ATG10: variants seen among roughly 807,000 people sequenced by gnomAD.
ATG10 encodes autophagy related 10, also known as ubiquitin-like-conjugating enzyme ATG10.
In ATG10, 30 loss-of-function variants were observed where a neutral mutation model predicts 32.1. The observed-to-expected ratio is 0.94, with a 90% CI of 0.70 to 1.27. The LOEUF is 1.27. Ranked by LOEUF, ATG10 falls within the 50% of genes most tolerant of loss-of-function variation. The pLI is 0.00. For missense variants in ATG10, 233 were observed against 262.3 expected (o/e 0.89, Z 0.77); for synonymous variants, 87 against 91.5 (o/e 0.95, Z 0.28).
intron 3 of ATG10, among the ~76,000 whole-genome samples, chr5:82,146,820 T>C (rs1767377752): frequency 6.6e-6 from 1 of 152,162 alleles, no homozygotes; most frequent in Non-Finnish European, 1.5e-5. Context: ...TCAATATGAA[T>C]ATATTTTTTC....
chr5:82,250,514 G>A (rs1027232194), intron 5 of ATG10, among the ~76,000 whole-genome samples: 2 of 152,080 alleles, frequency 1.3e-5, no homozygotes, highest in African/African-American at 4.8e-5. Flanking sequence ...GGAAAAGAGT[G>A]AGAGTTACAC....
chr5:82,026,518 T>C (rs116302091), intron 2 of ATG10, among the ~76,000 whole-genome samples: 1,667 of 152,288 alleles, frequency 0.011, 38 homozygotes, highest in African/African-American at 0.038. Flanking sequence ...TAATTATTTT[T>C]ATTGCTTTTA....
At chr5:82,090,435 GAAC>G (rs1404341451) in intron 3 of ATG10, among the ~76,000 whole-genome samples, 1 of 152,112 alleles carries the variant, frequency 6.6e-6, no homozygotes, top group African/African-American at 2.4e-5. Context: ...CAATGAAAAA[GAAC>G]AAATTATTCA....
intron 1 of ATG10, among the ~76,000 whole-genome samples, chr5:81,982,401 G>A (rs1276096356): frequency 2.0e-5 from 3 of 152,170 alleles, no homozygotes; most frequent in Non-Finnish European, 4.4e-5. Flanking sequence ...GGGAGGTGGA[G>A]GTTGTAGTGA....
intron 3 of ATG10, among the ~76,000 whole-genome samples, chr5:82,139,603 C>T (rs1340607939): frequency 4.3e-4 from 63 of 147,096 alleles, no homozygotes; most frequent in Middle Eastern, 3.8e-3. Flanking sequence ...CCTCTCCGCC[C>T]GGCAGCCACC....
At chr5:82,246,417 G>A (rs576991883) in intron 5 of ATG10, among the ~76,000 whole-genome samples, 8 of 151,702 alleles carry the variant, frequency 5.3e-5, no homozygotes, top group South Asian at 2.1e-4. Flanking sequence ...GGCCAGGTAC[G>A]GGGGCTTATG....
chr5:82,095,232 C>T (rs1407792398), intron 3 of ATG10, among the ~76,000 whole-genome samples: 1 of 152,128 alleles, frequency 6.6e-6, no homozygotes, highest in Non-Finnish European at 1.5e-5. Context: ...GAAGCTGGAT[C>T]TGAGTCTGAG....
intron 3 of ATG10, among the ~76,000 whole-genome samples, chr5:82,060,719 G>A (rs998651904): frequency 6.6e-6 from 1 of 152,098 alleles, no homozygotes; most frequent in African/African-American, 2.4e-5. Context: ...ACAAAATTTA[G>A]CCAGGTGTGG....
chr5:82,199,068 T>A (rs1243030621), intron 5 of ATG10, among the ~76,000 whole-genome samples: 1 of 152,242 alleles, frequency 6.6e-6, no homozygotes, highest in Admixed American at 6.5e-5. Context: ...CATATTTATT[T>A]CTTTTTAAAG....
At chr5:82,220,128 G>C (rs1467281822) in intron 5 of ATG10, among the ~76,000 whole-genome samples, 1 of 152,194 alleles carries the variant, frequency 6.6e-6, no homozygotes, top group Non-Finnish European at 1.5e-5. Flanking sequence ...CATGCACATG[G>C]GGAAGGGAAT....
chr5:82,199,895 C>G (rs1170391011), intron 5 of ATG10, among the ~76,000 whole-genome samples: 1 of 152,036 alleles, frequency 6.6e-6, no homozygotes, highest in Non-Finnish European at 1.5e-5. Context: ...GATTTCTAGG[C>G]TTTTGAGTCT....
intron 5 of ATG10, among the ~76,000 whole-genome samples, chr5:82,184,422 C>G (rs1311711512): frequency 6.6e-6 from 1 of 152,040 alleles, no homozygotes; most frequent in Non-Finnish European, 1.5e-5. Flanking sequence ...GAAGATTAAG[C>G]TATGCCAAAT....
intron 5 of ATG10, among the ~76,000 whole-genome samples, chr5:82,239,066 T>G (rs1746682403): frequency 6.6e-6 from 1 of 152,192 alleles, no homozygotes; most frequent in East Asian, 1.9e-4. Context: ...TCTCCTCAAA[T>G]CCTCTCCTTC....
chr5:82,091,705 A>AT (rs758063505), intron 3 of ATG10, among the ~76,000 whole-genome samples: 1 of 152,134 alleles, frequency 6.6e-6, no homozygotes, highest in Non-Finnish European at 1.5e-5. Context: ...AATGAGATCT[A>AT]TTTTTCCCCA....
intron 2 of ATG10, among the ~76,000 whole-genome samples, chr5:82,006,359 G>A (rs1271817933): frequency 6.6e-6 from 1 of 152,124 alleles, no homozygotes; most frequent in Non-Finnish European, 1.5e-5. Context: ...GCATACAAAA[G>A]TAAAGAGAAT....
chr5:82,001,483 A>G (rs113478744), intron 2 of ATG10, among the ~76,000 whole-genome samples: 72 of 152,322 alleles, frequency 4.7e-4, no homozygotes, highest in African/African-American at 1.5e-3. Context: ...TGGAGAACCC[A>G]GAAACAAGGC....
intron 4 of ATG10, 116 bp from the exon 5 acceptor site, chr5:82,178,374 T>C (rs950425092): frequency 3.1e-6 from 2 of 652,178 alleles, no homozygotes; most frequent in African/African-American, 3.6e-5. Context: ...ATAAATAGCA[T>C]GTGCACTGAA....
chr5:81,987,679 G>T lies in ATG10; in HGVS notation c.108+1G>T. ...TAGTTGGGAATGGAGACCATCAAAGGTAAGAATGGAAATGTTTGTTTTCTG... is the reference window on the plus strand; with the variant it reads ...TAGTTGGGAATGGAGACCATCAAAGTTAAGAATGGAAATGTTTGTTTTCTG... On this transcript the variant is annotated splice_donor_variant, in intron 2 of 7. Coordinates refer to ENST00000282185, the MANE Select transcript of ATG10 (RefSeq NM_031482.5). LOFTEE classifies it high-confidence loss of function. 6.3e-7 allele frequency: 1 copy of T among 1,596,940 alleles called. No individual in the cohort carries two copies. The highest frequency in any genetic ancestry group is 8.5e-7 in the Non-Finnish European group (1 of 1,169,888).
At chr5:82,209,338 C>T (rs935646646) in intron 5 of ATG10, among the ~76,000 whole-genome samples, 8 of 151,980 alleles carry the variant, frequency 5.3e-5, no homozygotes, top group African/African-American at 1.9e-4. Context: ...CCTATGCATC[C>T]CCAATGTAAT....
Sources: gnomAD v4.1 joint callset for allele counts (sites outside exome capture counted in the v4.1 genomes callset) on GRCh38, gnomAD v4.1.1 for gene constraint, MANE v1.5 for transcripts, NCBI Gene and HGNC (gene_info 2026-07-23, HGNC 2026-07-21) for gene names.